The following GCA variants were observed in gnomAD, a reference collection of about 807,000 sequenced individuals.
The protein encoded by GCA is grancalcin, EF-hand calcium-binding protein.
GCA carries 30 observed loss-of-function variants against 32.6 expected under a neutral mutation model. The ratio of observed to expected loss-of-function variants is 0.92; its 90% CI spans 0.69 to 1.25. GCA has a LOEUF of 1.25. Ranked by LOEUF, GCA falls within the 50% of genes most tolerant of loss-of-function variation. GCA has a pLI of 0.00. For missense variants in GCA, 291 were observed against 266.8 expected (o/e 1.09, Z -0.63); for synonymous variants, 102 against 84.6 (o/e 1.21, Z -1.13).
chr2:162,367,518 T>C (rs1241969653), downstream of GCA, among the ~76,000 whole-genome samples: 1 of 151,946 alleles, frequency 6.6e-6, no homozygotes, highest in Non-Finnish European at 1.5e-5. Context: ...ATGTATAACA[T>C]CGATTCAGAG....
At position 162,362,497 on chromosome 2, in the gene GCA, T is replaced by C; in HGVS notation, c.*2254T>C. The C allele has an allele frequency of 1.0e-6, 1 of 970,490 alleles. No homozygotes were observed. Among genetic ancestry groups the C allele is most frequent in the Non-Finnish European group, 1.2e-6 (1 of 816,550 alleles). 60.1% of individuals were successfully genotyped at this position (970,490 alleles called of 1,614,324 possible). On this transcript the variant is annotated 3_prime_UTR_variant, in exon 8 of 8. Transcript: ENST00000437150. ...AGTATAGTAGTTTGCACTGGTTAAC[T>C]TACACCCCAGTTCTTTTACGATGAT... is the stretch of plus-strand genomic sequence containing the variant.
chr2:162,370,683 T>A (rs2105377276), intron 4 of GCA, among the ~76,000 whole-genome samples: 1 of 152,256 alleles, frequency 6.6e-6, no homozygotes, highest in South Asian at 2.1e-4. Flanking sequence ...CAATTAGACA[T>A]GGAATAACAT....
rs35156397 is a variant in GCA at position 162,328,218 on chromosome 2, CAAAAA to C, written c.-31+9013_-31+9017del. ...CAACATGGTGAAACCCTGTTTCTAC[CAAAAA>C]AAAAAAAAAAAAAAAAAAATTAGCC... On this transcript the variant is annotated intron_variant, in intron 1 of 4. Coordinates refer to the GCA transcript ENST00000429691. Among the ~76,000 whole-genome samples the C allele has an allele frequency of 1.0e-4, 9 of 90,042 alleles. No homozygotes were observed. In the East Asian group the frequency reaches 1.4e-3, roughly 14 times the overall value. 59.1% of individuals were successfully genotyped at this position (90,042 alleles called of 152,430 possible).
intron 1 of GCA, among the ~76,000 whole-genome samples, chr2:162,328,563 A>G (rs1427199325): frequency 6.6e-6 from 1 of 152,144 alleles, no homozygotes; most frequent in Non-Finnish European, 1.5e-5. Flanking sequence ...CTAGGGGAGC[A>G]TACACACGGG....
At chr2:162,366,615 A>G (rs1372943717), downstream of GCA, among the ~76,000 whole-genome samples, 2 of 151,922 alleles carry the variant, frequency 1.3e-5, no homozygotes, top group Non-Finnish European at 2.9e-5. Context: ...AATACTTTAC[A>G]TTTGAAACAT....
exon 5 of GCA, chr2:162,371,592 A>G (rs1039536667): frequency 6.4e-5 from 56 of 873,788 alleles, no homozygotes; most frequent in African/African-American, 5.4e-4. Context: ...AAAATAAAAA[A>G]TAAGGTGCCG....
chr2:162,369,597 G>A (rs1333275623), intron 4 of GCA, among the ~76,000 whole-genome samples: 1 of 152,032 alleles, frequency 6.6e-6, no homozygotes, highest in Non-Finnish European at 1.5e-5. Flanking sequence ...CATACCAAAT[G>A]TTGCAGCTGA....
At chr2:162,323,273 A>C (rs1261246379) in intron 1 of GCA, among the ~76,000 whole-genome samples, 2 of 151,496 alleles carry the variant, frequency 1.3e-5, no homozygotes, top group Non-Finnish European at 2.9e-5. Context: ...TTTTCTTGTA[A>C]ATTTGTTTGA....
intron 1 of GCA, among the ~76,000 whole-genome samples, chr2:162,331,990 A>AT (rs1444618629): frequency 6.6e-6 from 1 of 152,196 alleles, no homozygotes; most frequent in Non-Finnish European, 1.5e-5. Context: ...CTTAGAACAA[A>AT]TAAAACCTAT....
At chr2:162,372,876 G>A (rs548824982), downstream of GCA, among the ~76,000 whole-genome samples, 52 of 152,184 alleles carry the variant, frequency 3.4e-4, no homozygotes, top group African/African-American at 1.2e-3. Context: ...TCAGAAGCAG[G>A]ATAAAGGACT....
In GCA at chr2:162,360,343, C is replaced by T; in HGVS notation, c.*100C>T. The T allele has an allele frequency of 6.7e-7, 1 of 1,497,036 alleles. No homozygotes were observed. The highest frequency in any genetic ancestry group is 8.9e-7 in the Non-Finnish European group (1 of 1,125,422). 92.7% of individuals were successfully genotyped at this position (1,497,036 alleles called of 1,614,324 possible). A position where few individuals can be genotyped will look rare whatever the true frequency, so the allele number is the denominator to read the frequency against. ...ACTTTTAAGGGTTTTCTATGTTCTTCCTACCTGTTAAACCTCTTCCCTTTC... is the reference window on the plus strand; with the variant it reads ...ACTTTTAAGGGTTTTCTATGTTCTTTCTACCTGTTAAACCTCTTCCCTTTC... On this transcript the variant is annotated 3_prime_UTR_variant, in exon 8 of 8. Transcript: ENST00000437150.
upstream of GCA, among the ~76,000 whole-genome samples, chr2:162,341,367 C>T (rs908188668): frequency 6.8e-6 from 1 of 147,948 alleles, no homozygotes; most frequent in African/African-American, 2.5e-5. Context: ...TGACTCTTTT[C>T]TCTCCCTCAT....
At chr2:162,325,794 G>A (rs907823948) in intron 1 of GCA, among the ~76,000 whole-genome samples, 1 of 152,132 alleles carries the variant, frequency 6.6e-6, no homozygotes, top group Non-Finnish European at 1.5e-5. Flanking sequence ...CTCTCCAGGA[G>A]AGTTCAAATA....
At chr2:162,324,310 C>G (rs957345017) in intron 1 of GCA, among the ~76,000 whole-genome samples, 1 of 152,062 alleles carries the variant, frequency 6.6e-6, no homozygotes, top group East Asian at 1.9e-4. Context: ...TGAGTGCAAG[C>G]TTTATATTGA....
chr2:162,371,982 T>C (rs1303548892), downstream of GCA: 1 of 1,613,762 alleles, frequency 6.2e-7, no homozygotes, highest in African/African-American at 1.3e-5. Context: ...GATCACTGTC[T>C]TGTTTTAAAA....
intron 1 of GCA, among the ~76,000 whole-genome samples, chr2:162,327,602 C>G (rs1683931089): frequency 6.6e-6 from 1 of 152,144 alleles, no homozygotes. Context: ...TCCTGCTCCC[C>G]CTATTGGCTT....
At chr2:162,356,566 G>C (rs1487417190) in intron 4 of GCA, 85 bp downstream of exon 4, 1 of 910,036 alleles carries the variant, frequency 1.1e-6, no homozygotes, top group African/African-American at 1.7e-5. Flanking sequence ...TTCAGTGCCT[G>C]TAGTAAACTA....
rs575212012 is a variant in GCA, at chr2:162,369,173, T to A, written c.366-2133T>A. On this transcript the variant is annotated intron_variant, in intron 4 of 4. Transcript: ENST00000414723. ...TGATCCCTGGATGGAGAGGTCAGAC[T>A]GTTTTTGCAATAGCCAACAGGGGGG... Among the ~76,000 whole-genome samples, 4 of 152,218 alleles carry A rather than the reference T, an allele frequency of 2.6e-5. No individual in the cohort carries two copies. The South Asian group carries it at 8.3e-4, about 32-fold the overall frequency.
Position 162,360,471 on chromosome 2 carries a change from A to T in GCA, c.*228A>T, listed in dbSNP as rs1378820965. On this transcript the variant is annotated 3_prime_UTR_variant, in exon 8 of 8. Transcript: ENST00000437150. ...AAAGTTATTTTATAAATATGTGCAT[A>T]TTGTCATAAAATATTGTATGATTAA... 3.0e-6 allele frequency: 3 copies of T among 1,010,214 alleles called. No homozygotes were observed. The East Asian group carries it at 9.5e-5, about 32-fold the overall frequency. The allele number at this position is 1,010,214 out of a possible 1,614,324, so 62.6% of individuals were successfully genotyped here.
Sources: gnomAD v4.1 joint callset for allele counts (sites outside exome capture counted in the v4.1 genomes callset) on GRCh38, gnomAD v4.1.1 for gene constraint, MANE v1.5 for transcripts, NCBI Gene and HGNC (gene_info 2026-07-23, HGNC 2026-07-21) for gene names.